The following TOB1 variants were observed in gnomAD, a reference collection of about 807,000 sequenced individuals.
TOB1 encodes the protein transducer of ERBB2, 1, also known as protein Tob1.
In TOB1, 2 loss-of-function variants were observed where a neutral mutation model predicts 22.9. The observed-to-expected ratio is 0.09, with a 90% CI of 0.04 to 0.28. TOB1 has a LOEUF of 0.28. Ranked by LOEUF, TOB1 falls within the 10% of genes least tolerant of loss-of-function variation. TOB1 has a pLI of 1.00. For synonymous variants in TOB1, 154 were observed against 150.6 expected (o/e 1.02, Z -0.17); for missense variants, 299 against 420.5 (o/e 0.71, Z 2.53).
At position 50,864,146 on chromosome 17, in the gene TOB1, C is replaced by T. The variant is rs1258316805; in HGVS notation, c.-129G>A. 1.4e-6 allele frequency: 2 copies of T among 1,400,646 alleles called. No individual in the cohort carries two copies. Among genetic ancestry groups the T allele is most frequent in the East Asian group, 5.2e-5 (2 of 38,724 alleles). The allele number at this position is 1,400,646 out of a possible 1,614,324, so 86.8% of individuals were successfully genotyped here. Reference sequence around the variant, plus strand: ...GCTGGTATTAGTAGATTATCCTTCACCTTGAGTGATCTTGTTCCTTAAAAC... The same window carrying T: ...GCTGGTATTAGTAGATTATCCTTCATCTTGAGTGATCTTGTTCCTTAAAAC... On this transcript the variant is annotated 5_prime_UTR_variant, in exon 2 of 2. In the 5' UTR this introduces an upstream ATG that the reference lacks. Coordinates refer to ENST00000499247, the MANE Select transcript of TOB1 (RefSeq NM_005749.4).
intron 1 of TOB1, among the ~76,000 whole-genome samples, chr17:50,865,695 G>C (rs992644447): frequency 1.3e-5 from 2 of 151,982 alleles, no homozygotes; most frequent in Admixed American, 1.3e-4. Flanking sequence ...GCCGGCCAGA[G>C]CCTGGGGGAG....
Position 50,862,853 on chromosome 17 carries a change from T to G in TOB1, c.*127A>C, listed in dbSNP as rs1972233459. 2 of 1,293,214 alleles carry G rather than the reference T, an allele frequency of 1.5e-6. No homozygotes were observed. The highest frequency in any genetic ancestry group is 2.0e-6 in the Non-Finnish European group (2 of 983,208). The allele number at this position is 1,293,214 out of a possible 1,614,324, so 80.1% of individuals were successfully genotyped here. On this transcript the variant is annotated 3_prime_UTR_variant, in exon 2 of 2. Transcript: ENST00000499247. ...ATGAAAAATGATGCATGTTTTATTA[T>G]TATTTTTTTAACCAAGCTTGAATGT...
upstream of TOB1, chr17:50,866,447 C>T (rs997062938): frequency 1.3e-5 from 2 of 151,694 alleles, no homozygotes; most frequent in Non-Finnish European, 2.9e-5. Flanking sequence ...CGTCACACAG[C>T]TCCGGCGGCG....
At chr17:50,866,912 C>T (rs2143351965), upstream of TOB1, 2 of 152,526 alleles carry the variant, frequency 1.3e-5, no homozygotes, top group East Asian at 3.9e-4. Context: ...CTCCAGCCCA[C>T]CCCAGGGGCG....
rs190664211 is a variant in TOB1, at chr17:50,863,137, C to A, written c.881G>T (p.Ser294Ile). 17 of 1,614,170 alleles carry A rather than the reference C, an allele frequency of 1.1e-5. No individual in the cohort carries two copies. The East Asian group carries it at 3.6e-4, about 34-fold the overall frequency. The change falls in exon 2 of 2, where the codon AGC (serine) becomes ATC (isoleucine). Residue 294 changes from serine to isoleucine, a missense_variant. Ser to Ile is a moderately radical substitution (Grantham distance 142). Transcript: ENST00000499247. ...CTGGAGAGGACTGAGGTTAAGGGGGCTGTCACCTGGGAACATTCCATTGGT... is the reference window on the plus strand; with the variant it reads ...CTGGAGAGGACTGAGGTTAAGGGGGATGTCACCTGGGAACATTCCATTGGT... Reference protein sequence around the residue: ...SSTNGMFPGDSPLNLSPLQYS... With the variant: ...SSTNGMFPGDIPLNLSPLQYS...
chr17:50,863,996 C>T lies in TOB1; in HGVS notation c.22G>A (p.Ala8Thr). Residue 8 changes from alanine to threonine, a missense_variant, in exon 2 of 2, where the codon GCA (alanine) becomes ACA (threonine). Physicochemically the swap from Ala to Thr is moderately conservative, Grantham distance 58. Coordinates refer to ENST00000499247, the MANE Select transcript of TOB1 (RefSeq NM_005749.4). MQLEIQV[A>T]LNFIISYLYN... ...AAATACGAAATAATAAAATTTAGTG[C>T]TACTTGGATTTCAAGCTGCATAGCT... is the stretch of plus-strand genomic sequence containing the variant. 2.0e-6 allele frequency: 3 copies of T among 1,530,762 alleles called. No homozygotes were observed. Among genetic ancestry groups the T allele is most frequent in the South Asian group, 1.1e-5 (1 of 88,616 alleles). The allele number at this position is 1,530,762 out of a possible 1,614,324, so 94.8% of individuals were successfully genotyped here.
chr17:50,867,099 T>A (rs1406841589), upstream of TOB1: 1 of 152,334 alleles, frequency 6.6e-6, no homozygotes, highest in East Asian at 1.9e-4. Context: ...CGCCGGCAGT[T>A]TAACTGCTTC....
rs1380916549 is a variant in TOB1 at position 50,863,578 on chromosome 17, G to A, written c.440C>T (p.Ser147Leu). 1 of 1,614,202 alleles carries A rather than the reference G, an allele frequency of 6.2e-7. No individual in the cohort carries two copies. The highest frequency in any genetic ancestry group is 2.2e-5 in the East Asian group (1 of 44,888). ...QVFMPISDPA[S>L]SVSSSPSPPF... ...AGGCGATGGAGAGCTGGACACTGATGAGGCTGGGTCACTTATGGGCATAAA... is the reference window on the plus strand; with the variant it reads ...AGGCGATGGAGAGCTGGACACTGATAAGGCTGGGTCACTTATGGGCATAAA... Residue 147 changes from serine to leucine, a missense_variant, in exon 2 of 2, where the codon TCA becomes TTA. Physicochemically the swap from Ser to Leu is moderately radical, Grantham distance 145. Transcript: ENST00000499247.
chr17:50,866,290 C>G lies in TOB1; in HGVS notation c.-379G>C, dbSNP rs1972305331. ...AGCGCGCTCACTTCTCCACACAGCC[C>G]GGTGCCCGGCCCAGCGTCCCCGTAG... On this transcript the variant is annotated 5_prime_UTR_variant, in exon 1 of 2. Coordinates refer to ENST00000499247, the MANE Select transcript of TOB1 (RefSeq NM_005749.4). 1 of 152,268 alleles carries G rather than the reference C, an allele frequency of 6.6e-6. No individual in the cohort carries two copies. The highest frequency in any genetic ancestry group is 1.5e-5 in the Non-Finnish European group (1 of 68,134). The allele number at this position is 152,268 out of a possible 1,614,324, so 9.4% of individuals were successfully genotyped here. A position where few individuals can be genotyped will look rare whatever the true frequency, so the allele number is the denominator to read the frequency against.
In TOB1 at chr17:50,863,080, T is replaced by C. The variant is rs376298909; in HGVS notation, c.938A>G (p.Tyr313Cys). Residue 313 changes from tyrosine (Y) to cysteine (C), a missense_variant, in exon 2 of 2, where the codon TAT becomes TGT. Physicochemically the swap from Tyr to Cys is radical, Grantham distance 194. Transcript: ENST00000499247. ...AAAAGATTTCTCATTGAGGCCTCCA[T>C]AGGCTGCAAACACATCAAAGGCATT... The part of the protein sequence containing the change: ...YSNAFDVFAA[Y>C]GGLNEKSFVD... 125 of 1,614,054 alleles carry C rather than the reference T, an allele frequency of 7.7e-5. 1 individual carries two copies. The South Asian group carries it at 9.3e-4, about 12-fold the overall frequency.
chr17:50,865,419 T>A (rs1457767416), intron 1 of TOB1, among the ~76,000 whole-genome samples: 2 of 152,218 alleles, frequency 1.3e-5, no homozygotes, highest in African/African-American at 4.8e-5. Context: ...AACAGCCAGT[T>A]AGATCTCATT....
chr17:50,864,056 CAAAAAAAAAA>C lies in TOB1; in HGVS notation c.-49_-40del, dbSNP rs71149322. ...CAAAATTAGGTTTCAACTCCCCCAC[CAAAAAAAAAA>C]AAAAAAAAAAAAGATGTTCAGTTTG... On this transcript the variant is annotated 5_prime_UTR_variant, in exon 2 of 2. Coordinates refer to ENST00000499247, the MANE Select transcript of TOB1 (RefSeq NM_005749.4). 1.9e-5 allele frequency: 20 copies of C among 1,038,166 alleles called. No homozygotes were observed. In the South Asian group the frequency reaches 2.1e-4, roughly 11 times the overall value. The allele number at this position is 1,038,166 out of a possible 1,614,324, so 64.3% of individuals were successfully genotyped here. A position where few individuals can be genotyped will look rare whatever the true frequency, so the allele number is the denominator to read the frequency against.
Position 50,862,891 on chromosome 17 carries a change from A to G in TOB1, c.*89T>C. Reference sequence around the variant, plus strand: ...CAAGCTTGAATGTATCCTTACTATAAGCTTAAAAAAAAAAATTCTCAAGGA... The same window carrying G: ...CAAGCTTGAATGTATCCTTACTATAGGCTTAAAAAAAAAAATTCTCAAGGA... On this transcript the variant is annotated 3_prime_UTR_variant, in exon 2 of 2. Transcript: ENST00000499247. 6.8e-7 allele frequency: 1 copy of G among 1,466,420 alleles called. No individual in the cohort carries two copies. The highest frequency in any genetic ancestry group is 2.6e-5 in the Admixed American group (1 of 38,658). The allele number at this position is 1,466,420 out of a possible 1,614,324, so 90.8% of individuals were successfully genotyped here.
rs769567203 is a variant in TOB1 at position 50,863,715 on chromosome 17, G to A, written c.303C>T (p.Tyr101=). 3 of 1,613,882 alleles carry A rather than the reference G, an allele frequency of 1.9e-6. No individual in the cohort carries two copies. The highest frequency in any genetic ancestry group is 1.3e-5 in the African/African-American group (1 of 74,836). Residue 101 remains tyrosine, a synonymous_variant, in exon 2 of 2, where the codon TAC becomes TAT. Transcript: ENST00000499247. ...SVWIDPFEVS[Y]QIGEKGPVKV... ...TCACTGGTCCCTTTTCACCAATTTGGTAAGAAACCTCAAATGGGTCGATCC... is the reference window on the plus strand; with the variant it reads ...TCACTGGTCCCTTTTCACCAATTTGATAAGAAACCTCAAATGGGTCGATCC...
chr17:50,866,989 A>G (rs1469011759), upstream of TOB1: 1 of 152,234 alleles, frequency 6.6e-6, no homozygotes, highest in East Asian at 1.9e-4. Flanking sequence ...AATCACCCCA[A>G]GGCCTAGGCC....
At position 50,863,710 on chromosome 17, in the gene TOB1, A is replaced by T; in HGVS notation, c.308T>A (p.Ile103Asn). 2 of 1,614,138 alleles carry T rather than the reference A, an allele frequency of 1.2e-6. No individual in the cohort carries two copies. Among genetic ancestry groups the T allele is most frequent in the Non-Finnish European group, 1.7e-6 (2 of 1,180,036 alleles). ...CACCTTCACTGGTCCCTTTTCACCA[A>T]TTTGGTAAGAAACCTCAAATGGGTC... is the stretch of plus-strand genomic sequence containing the variant. ...WIDPFEVSYQ[I>N]GEKGPVKVLY... Residue 103 changes from isoleucine (I) to asparagine (N), a missense_variant, in exon 2 of 2, where the codon ATT becomes AAT. Coordinates refer to ENST00000499247, the MANE Select transcript of TOB1 (RefSeq NM_005749.4).
Position 50,863,855 on chromosome 17 carries a change from A to G in TOB1, c.163T>C (p.Phe55Leu). The change falls in exon 2 of 2, where the codon TTT (phenylalanine) becomes CTT (leucine). Residue 55 changes from phenylalanine to leucine, a missense_variant. Phe to Leu is a conservative substitution (Grantham distance 22, BLOSUM62 0). Coordinates refer to ENST00000499247, the MANE Select transcript of TOB1 (RefSeq NM_005749.4). Reference protein sequence around the residue: ...YPEKPYKGSGFRCIHIGEKVD... With the variant: ...YPEKPYKGSGLRCIHIGEKVD... ...TTCTCCCCTATGTGTATACATCTAA[A>G]CCCCGATCCTTTGTATGGCTTTTCA... 9.3e-6 allele frequency: 15 copies of G among 1,613,766 alleles called. No homozygotes were observed. The highest frequency in any genetic ancestry group is 1.3e-5 in the Non-Finnish European group (15 of 1,179,958).
In TOB1 at chr17:50,863,004, T is replaced by C; in HGVS notation, c.1014A>G (p.Gln338=). The change falls in exon 2 of 2, where the codon CAA becomes CAG. Residue 338 remains glutamine, a synonymous_variant. Transcript: ENST00000499247. ...SLNNMQYSNQ[Q]FQPVMAN ...TTTAGTTAGCCATAACAGGCTGGAA[T>C]TGCTGGTTAGAATACTGCATGTTAT... The C allele has an allele frequency of 6.2e-7, 1 of 1,612,766 alleles. No individual in the cohort carries two copies. Among genetic ancestry groups the C allele is most frequent in the South Asian group, 1.1e-5 (1 of 90,888 alleles).
Position 50,863,235 on chromosome 17 carries a change from C to T in TOB1, c.783G>A (p.Gln261=), listed in dbSNP as rs766136800. Residue 261 remains glutamine (Q), a synonymous_variant, in exon 2 of 2, where the codon CAG becomes CAA. Transcript: ENST00000499247. ...PPPPPPQQQQ[Q]QKTSALSPNA... Reference sequence around the variant, plus strand: ...TAGGAGAAAGAGCAGAGGTTTTCTGCTGTTGTTGCTGCTGTGGTGGTGGTG... The same window carrying T: ...TAGGAGAAAGAGCAGAGGTTTTCTGTTGTTGTTGCTGCTGTGGTGGTGGTG... The T allele has an allele frequency of 1.2e-6, 2 of 1,614,070 alleles. No homozygotes were observed.
Sources: gnomAD v4.1 joint callset for allele counts (sites outside exome capture counted in the v4.1 genomes callset) on GRCh38, gnomAD v4.1.1 for gene constraint, MANE v1.5 for transcripts, NCBI Gene and HGNC (gene_info 2026-07-23, HGNC 2026-07-21) for gene names.